COL28A1: variants seen among roughly 807,000 people sequenced by gnomAD.
The protein encoded by COL28A1 is collagen alpha-1(XXVIII) chain.
Under a neutral mutation model 150.2 loss-of-function variants are expected in COL28A1, and 161 were observed. That is an observed-to-expected ratio of 1.07 (90% CI 0.94 to 1.22). The LOEUF is 1.22. Among genes scored for constraint, COL28A1 ranks in the 50% most tolerant of loss-of-function variants. The pLI is 0.00. For synonymous variants in COL28A1, 552 were observed against 469.7 expected (o/e 1.18, Z -2.26); for missense variants, 1,617 against 1,388.3 (o/e 1.16, Z -2.62).
At chr7:7,436,217 A>T (rs1785330486) in intron 23 of COL28A1, among the ~76,000 whole-genome samples, 178 bp downstream of exon 23, 1 of 152,226 alleles carries the variant, frequency 6.6e-6, no homozygotes, top group Non-Finnish European at 1.5e-5. Context: ...TTTTCCCCAC[A>T]AGTATGAAAA....
At position 7,524,259 on chromosome 7, in the gene COL28A1, A is replaced by G; in HGVS notation, c.682-10T>C. On this transcript the variant is annotated splice_polypyrimidine_tract_variant and intron_variant, in intron 3 of 34. Coordinates refer to ENST00000399429, the MANE Select transcript of COL28A1 (RefSeq NM_001037763.3). ...TTTCAAATAAGATATCCTACAAGGGAAAAAAGAATGAAGCATTAACTCGAT... is the reference window on the plus strand; with the variant it reads ...TTTCAAATAAGATATCCTACAAGGGGAAAAAGAATGAAGCATTAACTCGAT... 1.5e-6 allele frequency: 2 copies of G among 1,331,470 alleles called. No homozygotes were observed. The highest frequency in any genetic ancestry group is 2.2e-6 in the Non-Finnish European group (2 of 922,994). 82.5% of individuals were successfully genotyped at this position (1,331,470 alleles called of 1,614,324 possible).
At chr7:7,473,410 A>G (rs1300507699) in intron 15 of COL28A1, among the ~76,000 whole-genome samples, 1 of 152,222 alleles carries the variant, frequency 6.6e-6, no homozygotes, top group African/African-American at 2.4e-5. Flanking sequence ...GAGAAGATAT[A>G]CAAATGGCCA....
In COL28A1 at chr7:7,359,596, A is replaced by C. The variant is rs187233553; in HGVS notation, c.3206-791T>G. ...GATGCCAAGGTGGGAGAAGCCAAAA[A>C]ACACACAAAAAATCCCCAAATAGAT... On this transcript the variant is annotated intron_variant, in intron 34 of 34. Transcript: ENST00000399429. Among the ~76,000 whole-genome samples, 26 of 152,312 alleles carry C rather than the reference A, an allele frequency of 1.7e-4. No individual in the cohort carries two copies. The East Asian group carries it at 5.0e-3, about 29-fold the overall frequency.
intron 27 of COL28A1, among the ~76,000 whole-genome samples, chr7:7,413,149 T>C (rs1204325960): frequency 6.6e-6 from 1 of 152,128 alleles, no homozygotes; most frequent in Non-Finnish European, 1.5e-5. Context: ...CCAGGGTTTC[T>C]GTTGGATAGA....
chr7:7,374,768 T>G (rs1475212588), intron 31 of COL28A1, among the ~76,000 whole-genome samples: 1 of 152,162 alleles, frequency 6.6e-6, no homozygotes, highest in East Asian at 1.9e-4. Context: ...CCAGGCTGCT[T>G]CTTAGGCCCA....
intron 3 of COL28A1, 49 bp downstream of exon 3, chr7:7,531,299 A>T: frequency 1.3e-6 from 1 of 742,912 alleles, no homozygotes; most frequent in Non-Finnish European, 2.2e-6. Flanking sequence ...TACAACAAAT[A>T]TGTCAATATT....
At chr7:7,487,169 T>C (rs1456179603) in intron 13 of COL28A1, among the ~76,000 whole-genome samples, 1 of 151,860 alleles carries the variant, frequency 6.6e-6, no homozygotes, top group Non-Finnish European at 1.5e-5. Flanking sequence ...AAAAACATTT[T>C]AAGAACGACA....
chr7:7,343,796 C>T, the COL28A1 span, among the ~76,000 whole-genome samples: 1 of 151,808 alleles, frequency 6.6e-6, no homozygotes, highest in Non-Finnish European at 1.5e-5. Context: ...TAGTTTGAGG[C>T]CAGGAGTTTG....
intron 11 of COL28A1, among the ~76,000 whole-genome samples, chr7:7,497,464 T>A (rs1331105743): frequency 6.6e-6 from 1 of 152,186 alleles, no homozygotes; most frequent in Non-Finnish European, 1.5e-5. Flanking sequence ...TAAAGTAACT[T>A]GCCCAAATCA....
chr7:7,431,562 G>T (rs1336515469), intron 25 of COL28A1: 4 of 471,160 alleles, frequency 8.5e-6, no homozygotes. Flanking sequence ...GGCCATTTTG[G>T]CTGAATGTCG....
At chr7:7,403,766 G>A (rs1266772629) in intron 27 of COL28A1, among the ~76,000 whole-genome samples, 1 of 152,156 alleles carries the variant, frequency 6.6e-6, no homozygotes, top group Non-Finnish European at 1.5e-5. Context: ...ATATGCTACA[G>A]TCCAGATATA....
intron 25 of COL28A1, among the ~76,000 whole-genome samples, chr7:7,429,061 A>G (rs1272055672): frequency 2.0e-5 from 3 of 152,242 alleles, no homozygotes; most frequent in Non-Finnish European, 4.4e-5. Flanking sequence ...AAACAGCACC[A>G]AAACCCACCA....
At chr7:7,427,603 A>C (rs914892744) in intron 25 of COL28A1, among the ~76,000 whole-genome samples, 1 of 152,208 alleles carries the variant, frequency 6.6e-6, no homozygotes, top group Non-Finnish European at 1.5e-5. Flanking sequence ...GGGGCAATTC[A>C]GATGCTGGGA....
chr7:7,517,699 C>G, intron 7 of COL28A1, 97 bp downstream of exon 7: 1 of 1,562,340 alleles, frequency 6.4e-7, no homozygotes, highest in Non-Finnish European at 8.8e-7. Flanking sequence ...AGATAGAAAT[C>G]ACTTTTGCAC....
Position 7,373,420 on chromosome 7 carries a change from G to C in COL28A1, c.2486C>G (p.Ala829Gly). The C allele has an allele frequency of 6.2e-7, 1 of 1,614,156 alleles. No individual in the cohort carries two copies. The highest frequency in any genetic ancestry group is 8.5e-7 in the Non-Finnish European group (1 of 1,180,042). Reference protein sequence around the residue: ...NFVKTMADRVALDLATARIGI... With the variant: ...NFVKTMADRVGLDLATARIGI... ...TATGCGGGCCGTGGCAAGGTCCAGA[G>C]CAACCCGGTCAGCCATAGTCTTCAC... Residue 829 changes from alanine to glycine, a missense_variant, in exon 32 of 35, where the codon GCT becomes GGT. Transcript: ENST00000399429. This position sits in a 1 kb window ranked among gnomAD's most constrained non-coding sequence, Gnocchi z 4.1.
chr7:7,389,407 G>C (rs1166650123), intron 27 of COL28A1, among the ~76,000 whole-genome samples: 8 of 152,146 alleles, frequency 5.3e-5, no homozygotes, highest in African/African-American at 1.7e-4. Context: ...TAGCCTCATT[G>C]TATAGTTTGA....
chr7:7,381,154 C>A (rs558454501), intron 28 of COL28A1, among the ~76,000 whole-genome samples: 5 of 152,176 alleles, frequency 3.3e-5, no homozygotes, highest in Admixed American at 2.0e-4. Flanking sequence ...TTACCGGGTA[C>A]CTGAGTTATC....
At chr7:7,377,594 T>C (rs1271978690) in intron 30 of COL28A1, among the ~76,000 whole-genome samples, 2 of 152,076 alleles carry the variant, frequency 1.3e-5, no homozygotes, top group African/African-American at 4.8e-5. Flanking sequence ...AGTAAACTTA[T>C]GAATTAGGGC....
chr7:7,375,765 G>A (rs577154346), intron 30 of COL28A1, among the ~76,000 whole-genome samples: 2 of 152,272 alleles, frequency 1.3e-5, no homozygotes, highest in African/African-American at 4.8e-5. Flanking sequence ...CGGGCATTTG[G>A]TGCCCTAACA....
Sources: allele counts gnomAD v4.1 joint callset (sites outside exome capture counted in the v4.1 genomes callset), GRCh38; gene constraint gnomAD v4.1.1; non-coding constraint Gnocchi (gnomAD v3.1); transcripts MANE v1.5; gene names NCBI Gene and HGNC (gene_info 2026-07-23, HGNC 2026-07-21).